Variants in SETX observed in about 807,000 individuals in gnomAD.
SETX encodes helicase senataxin.
Under a neutral mutation model 227.2 loss-of-function variants are expected in SETX, and 90 were observed. The ratio of observed to expected loss-of-function variants is 0.40; its 90% CI spans 0.33 to 0.47. SETX has a LOEUF of 0.47. Ranked by LOEUF, SETX falls within the 20% of genes least tolerant of loss-of-function variation. The probability of loss-of-function intolerance (pLI) is 0.91; values close to 1 mark genes in which losing one functional copy is unlikely to be tolerated. For synonymous variants in SETX, 1,210 were observed against 1,113.2 expected (o/e 1.09, Z -1.73); for missense variants, 3,052 against 3,181.5 (o/e 0.96, Z 0.98).
intron 12 of SETX, among the ~76,000 whole-genome samples, chr9:132,299,831 T>C (rs555794348): frequency 1.3e-5 from 2 of 152,152 alleles, no homozygotes; most frequent in African/African-American, 4.8e-5. Flanking sequence ...TTGGGGAAGA[T>C]TATAAATGTA....
At chr9:132,325,406 T>G (rs958118985) in intron 10 of SETX, among the ~76,000 whole-genome samples, 3 of 152,064 alleles carry the variant, frequency 2.0e-5, no homozygotes, top group Non-Finnish European at 4.4e-5. Context: ...GTCTGACGTG[T>G]AGGGAAATTT....
chr9:132,278,435 A>ATTTT (rs1843296549), intron 20 of SETX, among the ~76,000 whole-genome samples, 178 bp from the exon 21 acceptor site: 1 of 117,140 alleles, frequency 8.5e-6, no homozygotes, highest in Admixed American at 9.6e-5. Flanking sequence ...AATGCCATGA[A>ATTTT]TCTTTTTTTT....
At chr9:132,267,526 A>T (rs1345345981) in intron 25 of SETX, among the ~76,000 whole-genome samples, 1 of 152,268 alleles carries the variant, frequency 6.6e-6, no homozygotes, top group African/African-American at 2.4e-5. Flanking sequence ...ACTAGGCTAA[A>T]AACTTAGAAA....
intron 5 of SETX, among the ~76,000 whole-genome samples, chr9:132,338,511 T>C (rs999951664): frequency 6.6e-6 from 1 of 152,200 alleles, no homozygotes; most frequent in African/African-American, 2.4e-5. Flanking sequence ...GACAGCTAAA[T>C]AAGACCTTTT....
intron 2 of SETX, among the ~76,000 whole-genome samples, chr9:132,350,611 A>C (rs1161901720): frequency 6.6e-6 from 1 of 152,206 alleles, no homozygotes; most frequent in Non-Finnish European, 1.5e-5. Context: ...TTATTTAGAA[A>C]TGCATAAGCA....
At chr9:132,297,317 T>G (rs1844730053) in intron 13 of SETX, among the ~76,000 whole-genome samples, 2 of 152,266 alleles carry the variant, frequency 1.3e-5, no homozygotes, top group African/African-American at 4.8e-5. Flanking sequence ...CTTTTATTTT[T>G]TATTCTTACA....
At chr9:132,343,090 C>T (rs535680021) in intron 4 of SETX, among the ~76,000 whole-genome samples, 5 of 152,200 alleles carry the variant, frequency 3.3e-5, no homozygotes, top group South Asian at 2.1e-4. Flanking sequence ...GAGGCCGAGG[C>T]GGGCGGATCA....
chr9:132,353,380 A>G (rs1344611894), intron 2 of SETX, among the ~76,000 whole-genome samples: 1 of 152,154 alleles, frequency 6.6e-6, no homozygotes, highest in Non-Finnish European at 1.5e-5. Flanking sequence ...GGAACTTAAA[A>G]AAAAAAGTAG....
intron 2 of SETX, among the ~76,000 whole-genome samples, chr9:132,352,545 G>A (rs1044967511): frequency 6.6e-6 from 1 of 152,152 alleles, no homozygotes; most frequent in Non-Finnish European, 1.5e-5. Flanking sequence ...GAGGTCAAGA[G>A]ATCAAGACCA....
chr9:132,333,811 T>C (rs1254267310), intron 7 of SETX, among the ~76,000 whole-genome samples: 4 of 152,206 alleles, frequency 2.6e-5, no homozygotes, highest in Non-Finnish European at 5.9e-5. Context: ...GTCTCTGCAT[T>C]GTTCAATACA....
intron 4 of SETX, among the ~76,000 whole-genome samples, chr9:132,344,409 G>A (rs1848172803): frequency 6.6e-6 from 1 of 152,120 alleles, no homozygotes; most frequent in African/African-American, 2.4e-5. Context: ...ATGGGGGAGG[G>A]AGGGTGTTGC....
intron 23 of SETX, among the ~76,000 whole-genome samples, chr9:132,273,869 C>T (rs1383528874): frequency 6.6e-6 from 1 of 152,022 alleles, no homozygotes; most frequent in Admixed American, 6.6e-5. Flanking sequence ...AACATCTCTC[C>T]TGATCTTAGA....
rs188144493 is a variant in SETX at position 132,275,125 on chromosome 9, C to A, written c.7100+131G>T. The stretch of plus-strand genomic sequence containing the variant: ...ACAAGTCTATGAAAGCCAGCAGCAT[C>A]CCAGCTTCCTCGTGCCGTATCACCA... On this transcript the variant is annotated intron_variant, in intron 23 of 25. Coordinates refer to ENST00000224140, the MANE Select transcript of SETX (RefSeq NM_015046.7). 1.3e-5 allele frequency: 12 copies of A among 955,156 alleles called. No homozygotes were observed. In the African/African-American group the frequency reaches 2.0e-4, roughly 16 times the overall value. The allele number at this position is 955,156 out of a possible 1,614,324, so 59.2% of individuals were successfully genotyped here.
In SETX at chr9:132,303,157, C is replaced by G. The variant is rs150890196; in HGVS notation, c.5375-2354G>C. On this transcript the variant is annotated intron_variant, in intron 11 of 25. Transcript: ENST00000224140. ...CTCAGCCTCCCATGTCACTGGGACT[C>G]TAGGTGTGTGCCACCATGCTCAGCT... Among the ~76,000 whole-genome samples, 248 of 151,974 alleles carry G rather than the reference C, an allele frequency of 1.6e-3. 1 individual carries two copies. Among genetic ancestry groups the G allele is most frequent in the African/African-American group, 5.5e-3 (230 of 41,454 alleles).
At chr9:132,342,075 G>A (rs1848009485) in intron 5 of SETX, among the ~76,000 whole-genome samples, 1 of 151,908 alleles carries the variant, frequency 6.6e-6, no homozygotes, top group African/African-American at 2.4e-5. Context: ...CCTTACATTG[G>A]CAGAGTAGCC....
chr9:132,354,547 G>A (rs1304557583), intron 1 of SETX, among the ~76,000 whole-genome samples: 1 of 151,590 alleles, frequency 6.6e-6, no homozygotes, highest in Non-Finnish European at 1.5e-5. Flanking sequence ...GGGACTCCAG[G>A]CGAGAGGCAG....
chr9:132,304,883 G>C (rs901276248), intron 11 of SETX, among the ~76,000 whole-genome samples: 1 of 151,966 alleles, frequency 6.6e-6, no homozygotes, highest in African/African-American at 2.4e-5. Context: ...CATAATCCCA[G>C]CTGCTTGGGA....
intron 15 of SETX, among the ~76,000 whole-genome samples, chr9:132,294,777 G>C (rs1844570931): frequency 6.6e-6 from 1 of 152,196 alleles, no homozygotes; most frequent in Non-Finnish European, 1.5e-5. Flanking sequence ...GTGCACTCGA[G>C]AATGGAGGCC....
chr9:132,335,112 C>T lies in SETX; in HGVS notation c.719-385G>A, dbSNP rs144674483. ...AAATGGTATAGAAGTATTTTGAGGCCGGGCGTGGTGGCTCACACCTGTAAT... is the reference window on the plus strand; with the variant it reads ...AAATGGTATAGAAGTATTTTGAGGCTGGGCGTGGTGGCTCACACCTGTAAT... On this transcript the variant is annotated intron_variant, in intron 6 of 25. Transcript: ENST00000224140. 3.7e-3 allele frequency among the ~76,000 whole-genome samples: 566 copies of T among 151,972 alleles called. 3 individuals carry two copies. The highest frequency in any genetic ancestry group is 9.5e-3 in the East Asian group (49 of 5,176).
Sources: allele counts gnomAD v4.1 joint callset (sites outside exome capture counted in the v4.1 genomes callset), GRCh38; gene constraint gnomAD v4.1.1; transcripts MANE v1.5; gene names NCBI Gene and HGNC (gene_info 2026-07-23, HGNC 2026-07-21).